The following GRM7 variants were observed in gnomAD, a reference collection of about 807,000 sequenced individuals.
GRM7 encodes glutamate metabotropic receptor 7.
GRM7 carries 35 observed loss-of-function variants against 84.5 expected under a neutral mutation model. The observed-to-expected ratio is 0.41, with a 90% CI of 0.32 to 0.55. The LOEUF (loss-of-function observed/expected upper bound fraction) is 0.55. Ranked by LOEUF, GRM7 falls within the 20% of genes least tolerant of loss-of-function variation. GRM7 has a pLI of 0.19. For synonymous variants in GRM7, 487 were observed against 455.1 expected, an observed-to-expected ratio of 1.07 and a Z score of -0.89; for missense variants, 1,003 against 1,194.6, an observed-to-expected ratio of 0.84 and a Z score of 2.36.
At chr3:6,981,857 G>A (rs1413306933) in intron 1 of GRM7, among the ~76,000 whole-genome samples, 1 of 152,170 alleles carries the variant, frequency 6.6e-6, no homozygotes, top group East Asian at 1.9e-4. Flanking sequence ...TGGTGGGAAT[G>A]TAAATTAGTT....
chr3:7,308,100 T>A (rs1322192085), intron 4 of GRM7, among the ~76,000 whole-genome samples: 3 of 152,170 alleles, frequency 2.0e-5, no homozygotes, highest in Non-Finnish European at 2.9e-5. Context: ...ATACAAATAA[T>A]TCATTCTGCA....
intron 5 of GRM7, among the ~76,000 whole-genome samples, chr3:7,432,158 G>A (rs1696856838): frequency 6.6e-6 from 1 of 152,140 alleles, no homozygotes; most frequent in Admixed American, 6.5e-5. Flanking sequence ...TTATTTTCAA[G>A]AAAAGAATGT....
intron 1 of GRM7, among the ~76,000 whole-genome samples, chr3:7,029,311 A>T (rs2324048): frequency 6.9e-6 from 1 of 144,776 alleles, no homozygotes; most frequent in Non-Finnish European, 1.5e-5. Flanking sequence ...CAAAAAAAAA[A>T]AAACAAAAAA....
chr3:7,448,749 C>G (rs962572175), intron 5 of GRM7, among the ~76,000 whole-genome samples: 1 of 152,034 alleles, frequency 6.6e-6, no homozygotes, highest in African/African-American at 2.4e-5. Context: ...TACCTGGAGA[C>G]TCTCTGAGAG....
intron 1 of GRM7, among the ~76,000 whole-genome samples, chr3:6,899,708 A>G (rs1283714206): frequency 6.6e-6 from 1 of 152,234 alleles, no homozygotes; most frequent in African/African-American, 2.4e-5. Flanking sequence ...TTTATTTTAG[A>G]CAAACTGACT....
At chr3:7,691,248 G>GATAAC (rs1425063989) in intron 9 of GRM7, 1 of 1,286,910 alleles carries the variant, frequency 7.8e-7, no homozygotes, top group Non-Finnish European at 1.0e-6. Flanking sequence ...AGAGGATTGA[G>GATAAC]ATAACATTTC....
At chr3:7,421,214 C>T (rs1208138031) in intron 5 of GRM7, among the ~76,000 whole-genome samples, 1 of 152,006 alleles carries the variant, frequency 6.6e-6, no homozygotes, top group East Asian at 1.9e-4. Flanking sequence ...AAAATTTAAC[C>T]TCTTTTCAAG....
intron 1 of GRM7, among the ~76,000 whole-genome samples, chr3:6,869,412 A>G (rs546301080): frequency 2.8e-4 from 42 of 152,304 alleles, no homozygotes; most frequent in Non-Finnish European, 2.9e-5. Context: ...AGCTATGTTA[A>G]AGTTATCAGA....
At chr3:7,352,204 T>C (rs1693192768) in intron 4 of GRM7, among the ~76,000 whole-genome samples, 2 of 152,076 alleles carry the variant, frequency 1.3e-5, no homozygotes, top group Admixed American at 1.3e-4. Context: ...GTTCTACTTT[T>C]TATAGTACTG....
At chr3:7,124,593 A>G (rs1477807353) in intron 1 of GRM7, among the ~76,000 whole-genome samples, 1 of 152,190 alleles carries the variant, frequency 6.6e-6, no homozygotes, top group African/African-American at 2.4e-5. Context: ...AATTGATAAA[A>G]GATTCATTAT....
chr3:7,081,059 C>A (rs569339130), intron 1 of GRM7, among the ~76,000 whole-genome samples: 1 of 151,968 alleles, frequency 6.6e-6, no homozygotes, highest in African/African-American at 2.4e-5. Context: ...TAGCTTCTCC[C>A]CCCTTGTTGT....
At chr3:7,704,461 T>C (rs1311827808) in intron 9 of GRM7, among the ~76,000 whole-genome samples, 6 of 152,224 alleles carry the variant, frequency 3.9e-5, no homozygotes, top group Admixed American at 1.3e-4. Context: ...TTCAGAAATG[T>C]GTAACAGTTG....
At position 7,211,652 on chromosome 3, in the gene GRM7, C is replaced by CAAA. The variant is rs370634134; in HGVS notation, c.736+64998_736+65000dup. 6.5e-5 allele frequency among the ~76,000 whole-genome samples: 8 copies of CAAA among 122,668 alleles called. 2 individuals carry two copies. The highest frequency in any genetic ancestry group is 9.8e-5 in the Non-Finnish European group (6 of 61,136). The allele number at this position is 122,668 out of a possible 152,430, so 80.5% of individuals were successfully genotyped here. A position where few individuals can be genotyped will look rare whatever the true frequency, so the allele number is the denominator to read the frequency against. On this transcript the variant is annotated intron_variant, in intron 2 of 9. Transcript: ENST00000357716. ...AAAATTAGCTTTCTGTTCTCCCAAC[C>CAAA]AAAAAAAAAAAAAAAATCACACTGA...
chr3:7,569,122 A>T (rs9815909), intron 7 of GRM7, among the ~76,000 whole-genome samples: 50 of 152,158 alleles, frequency 3.3e-4, no homozygotes, highest in Middle Eastern at 6.8e-3. Flanking sequence ...TACACCTATC[A>T]GCACTCTGTA....
At chr3:7,154,760 A>G (rs115949431) in intron 2 of GRM7, among the ~76,000 whole-genome samples, 470 of 152,254 alleles carry the variant, frequency 3.1e-3, no homozygotes, top group East Asian at 0.01. Context: ...ATTGGGAAGT[A>G]GCCACACTTT....
chr3:7,423,569 A>C (rs1456011735), intron 5 of GRM7, among the ~76,000 whole-genome samples: 2 of 152,148 alleles, frequency 1.3e-5, no homozygotes, highest in African/African-American at 4.8e-5. Flanking sequence ...TGACTTATCA[A>C]GTATCATCAA....
intron 1 of GRM7, among the ~76,000 whole-genome samples, chr3:6,877,964 A>G (rs1421766329): frequency 1.4e-5 from 2 of 145,944 alleles, no homozygotes; most frequent in East Asian, 3.9e-4. Flanking sequence ...TTTTTTTTTT[A>G]CAGATCTGTG....
At chr3:7,706,533 A>G (rs548344846) in intron 9 of GRM7, among the ~76,000 whole-genome samples, 2 of 152,310 alleles carry the variant, frequency 1.3e-5, no homozygotes, top group South Asian at 4.1e-4. Context: ...TACTAACAAT[A>G]CAATTTACTA....
At chr3:7,259,969 G>GTT (rs1698357109) in intron 2 of GRM7, among the ~76,000 whole-genome samples, 3 of 9,110 alleles carry the variant, frequency 3.3e-4, no homozygotes, top group Non-Finnish European at 4.8e-4. Flanking sequence ...TTTTTTTGAC[G>GTT]TTTTAATAAT....
Sources: allele counts gnomAD v4.1 joint callset (sites outside exome capture counted in the v4.1 genomes callset), GRCh38; gene constraint gnomAD v4.1.1; transcripts MANE v1.5; gene names NCBI Gene and HGNC (gene_info 2026-07-23, HGNC 2026-07-21).